FER1L6: variants seen among roughly 807,000 people sequenced by gnomAD.
FER1L6 encodes the protein fer-1 like family member 6.
Under a neutral mutation model 219.2 loss-of-function variants are expected in FER1L6, and 177 were observed. The ratio of observed to expected loss-of-function variants is 0.81; its 90% CI spans 0.71 to 0.91. FER1L6 has a LOEUF of 0.91. Among genes scored for constraint, FER1L6 ranks in the 40% least tolerant of loss-of-function variants. The pLI is 0.00. For synonymous variants in FER1L6, 768 were observed against 824.3 expected, an observed-to-expected ratio of 0.93 and a Z score of 1.17; for missense variants, 2,153 against 2,259.9, an observed-to-expected ratio of 0.95 and a Z score of 0.96.
At chr8:123,871,286 C>T (rs541695989) in intron 1 of FER1L6, among the ~76,000 whole-genome samples, 116 of 152,176 alleles carry the variant, frequency 7.6e-4, no homozygotes, top group African/African-American at 2.7e-3. Context: ...CAATAACATC[C>T]CAGTAGTAAC....
chr8:124,086,220 T>C (rs1342972579), intron 33 of FER1L6, among the ~76,000 whole-genome samples: 1 of 152,142 alleles, frequency 6.6e-6, no homozygotes, highest in Non-Finnish European at 1.5e-5. Flanking sequence ...TATTGTTAAG[T>C]AAGGAATTCT....
chr8:123,926,892 TC>T (rs1191968727), intron 1 of FER1L6, among the ~76,000 whole-genome samples: 3 of 152,184 alleles, frequency 2.0e-5, no homozygotes, highest in Non-Finnish European at 4.4e-5. Flanking sequence ...CTTAATTCTC[TC>T]TCTCTCTCCT....
At chr8:124,035,487 G>C in intron 19 of FER1L6, 33 bp downstream of exon 19, 6 of 1,584,616 alleles carry the variant, frequency 3.8e-6, no homozygotes, top group Non-Finnish European at 5.1e-6. Context: ...AGGGTCATTC[G>C]AGGTCTCAGG....
At chr8:123,902,926 T>C (rs1380931789) in intron 1 of FER1L6, among the ~76,000 whole-genome samples, 2 of 152,240 alleles carry the variant, frequency 1.3e-5, no homozygotes, top group Non-Finnish European at 2.9e-5. Context: ...AAAGAGGTTC[T>C]GTTTTGTTGT....
In FER1L6 at chr8:123,975,208, C is replaced by T; in HGVS notation, c.585C>T (p.Gly195=). Residue 195 remains glycine (G), a synonymous_variant, in exon 8 of 41, where the codon GGC becomes GGT. Coordinates refer to ENST00000522917, the MANE Select transcript of FER1L6 (RefSeq NM_001039112.2). The part of the protein sequence containing the change: ...LLTDPGDIRT[G]TKGYLKCDIS... ...CAGACCCTGGTGACATCAGGACTGG[C>T]ACCAAGGGGTACCTGAAATGTGACA... 6.2e-7 allele frequency: 1 copy of T among 1,612,796 alleles called. No homozygotes were observed. The highest frequency in any genetic ancestry group is 8.5e-7 in the Non-Finnish European group (1 of 1,179,728).
intron 1 of FER1L6, among the ~76,000 whole-genome samples, chr8:123,907,466 T>C (rs1812974930): frequency 6.6e-6 from 1 of 152,032 alleles, no homozygotes; most frequent in Admixed American, 6.6e-5. Context: ...ACCCTGACTT[T>C]CACTGTGTCT....
chr8:124,110,805 G>A (rs1822990451), intron 39 of FER1L6, among the ~76,000 whole-genome samples: 1 of 152,078 alleles, frequency 6.6e-6, no homozygotes, highest in Admixed American at 6.5e-5. Flanking sequence ...TTATCCAAAG[G>A]AAAAGCAAAC....
Position 124,015,586 on chromosome 8 carries a change from T to TAC in FER1L6, c.1923-2041_1923-2040insCA, listed in dbSNP as rs1818156783. ...ATTATAAAAGCTATATATATATATATATATATATATATATATATATATATA... is the reference window on the plus strand; with the variant it reads ...ATTATAAAAGCTATATATATATATATACATATATATATATATATATATATATA... On this transcript the variant is annotated intron_variant, in intron 15 of 40. Transcript: ENST00000522917. Among the ~76,000 whole-genome samples the TAC allele has an allele frequency of 3.8e-5, 3 of 79,872 alleles. No homozygotes were observed. The East Asian group carries it at 1.2e-3, about 31-fold the overall frequency. The allele number at this position is 79,872 out of a possible 152,430, so 52.4% of individuals were successfully genotyped here. A position where few individuals can be genotyped will look rare whatever the true frequency, so the allele number is the denominator to read the frequency against.
At chr8:124,072,251 A>C (rs1373713635) in intron 31 of FER1L6, among the ~76,000 whole-genome samples, 5 of 152,228 alleles carry the variant, frequency 3.3e-5, no homozygotes, top group African/African-American at 1.2e-4. Context: ...ATGCCTCTGC[A>C]CTATTGCAGT....
chr8:124,047,653 G>A (rs1819797608), intron 21 of FER1L6: 1 of 152,068 alleles, frequency 6.6e-6, no homozygotes, highest in Non-Finnish European at 1.5e-5. Flanking sequence ...CCAACCCTAA[G>A]TCAAGCCCTT....
intron 20 of FER1L6, among the ~76,000 whole-genome samples, chr8:124,041,219 A>G (rs1459907998): frequency 6.6e-6 from 1 of 152,200 alleles, no homozygotes; most frequent in Non-Finnish European, 1.5e-5. Flanking sequence ...CTTTGGCTGC[A>G]TGTCTTTGGG....
chr8:123,896,591 C>T (rs1225622536), intron 1 of FER1L6, among the ~76,000 whole-genome samples: 3 of 152,200 alleles, frequency 2.0e-5, no homozygotes, highest in Middle Eastern at 6.8e-3. Flanking sequence ...CATTTTAAAG[C>T]GTCTATTATT....
Position 123,881,264 on chromosome 8 carries a change from T to G in FER1L6, c.-8+29079T>G, listed in dbSNP as rs114690945. ...CTAAAAAAAGAAAAATTGCTTTTTC[T>G]CTATGTAGTTGTCTTCCTGATGAAT... On this transcript the variant is annotated intron_variant, in intron 1 of 40. Transcript: ENST00000522917. Among the ~76,000 whole-genome samples, 1,314 of 152,290 alleles carry G rather than the reference T, an allele frequency of 8.6e-3. 11 individuals are homozygous for G. The highest frequency in any genetic ancestry group is 0.03 in the African/African-American group (1,231 of 41,550).
chr8:124,077,875 G>A (rs924614807), intron 32 of FER1L6, among the ~76,000 whole-genome samples: 9 of 152,190 alleles, frequency 5.9e-5, no homozygotes, highest in African/African-American at 2.2e-4. Flanking sequence ...AGGAAGAGAA[G>A]AGGGTTCTTG....
intron 6 of FER1L6, among the ~76,000 whole-genome samples, chr8:123,970,487 C>T (rs1384608968): frequency 1.3e-5 from 2 of 151,966 alleles, no homozygotes; most frequent in African/African-American, 4.8e-5. Context: ...CACTAATGAT[C>T]ATTAATCACA....
intron 33 of FER1L6, among the ~76,000 whole-genome samples, chr8:124,085,522 G>C (rs911240974): frequency 1.3e-5 from 2 of 152,010 alleles, no homozygotes; most frequent in African/African-American, 4.8e-5. Flanking sequence ...CCATGTGTTT[G>C]TATAGTTTCC....
intron 1 of FER1L6, chr8:123,924,676 A>C (rs1392336791): frequency 6.6e-6 from 1 of 152,216 alleles, no homozygotes; most frequent in Non-Finnish European, 1.5e-5. Context: ...ATCGTATATA[A>C]TACATTTTCT....
intron 1 of FER1L6, among the ~76,000 whole-genome samples, chr8:123,930,292 G>T (rs543644557): frequency 1.3e-5 from 2 of 152,042 alleles, no homozygotes; most frequent in South Asian, 4.2e-4. Context: ...TTGCCACAAG[G>T]ATCCCACATG....
chr8:123,973,418 C>G lies in FER1L6; in HGVS notation c.448-16C>G, dbSNP rs768694731. On this transcript the variant is annotated splice_polypyrimidine_tract_variant and intron_variant, in intron 6 of 40. Coordinates refer to ENST00000522917, the MANE Select transcript of FER1L6 (RefSeq NM_001039112.2). ...CAAGGTAAATCTGCCATACTCCCTG[C>G]TCTCTCTCTCCTCAGGTCTTTCACC... 1 of 1,601,178 alleles carries G rather than the reference C, an allele frequency of 6.2e-7. No homozygotes were observed. Among genetic ancestry groups the G allele is most frequent in the Non-Finnish European group, 8.6e-7 (1 of 1,168,356 alleles).
Sources: gnomAD v4.1 joint callset for allele counts (sites outside exome capture counted in the v4.1 genomes callset) on GRCh38, gnomAD v4.1.1 for gene constraint, MANE v1.5 for transcripts, NCBI Gene and HGNC (gene_info 2026-07-23, HGNC 2026-07-21) for gene names.